Variants in DMD observed in about 807,000 individuals in gnomAD.
DMD encodes the protein mutant dystrophin.
A neutral mutation model predicts 330.1 loss-of-function variants in DMD; 63 were observed. The ratio of observed to expected loss-of-function variants is 0.19; its 90% CI spans 0.16 to 0.24. The LOEUF (loss-of-function observed/expected upper bound fraction) is 0.24, where lower values mean the gene tolerates loss of function less well. Ranked by LOEUF, DMD falls within the 10% of genes least tolerant of loss-of-function variation. The pLI is 1.00. For missense variants in DMD, 3,344 were observed against 2,684.1 expected (o/e 1.25, Z -5.43); for synonymous variants, 1,223 against 959.8 (o/e 1.27, Z -5.07).
intron 47 of DMD, among the ~76,000 whole-genome samples, chrX:31,893,439 T>C (rs543353831): frequency 1.0e-3 from 112 of 111,818 alleles, no homozygotes; most frequent in African/African-American, 3.4e-3. Flanking sequence ...TGAAGCACAC[T>C]GCTTGTCCTA....
At chrX:31,434,462 A>G (rs1268396850) in intron 60 of DMD, among the ~76,000 whole-genome samples, 1 of 101,040 alleles carries the variant, frequency 9.9e-6, no homozygotes, top group Non-Finnish European at 2.0e-5. Flanking sequence ...ACACACACAC[A>G]CACACACACA....
chrX:31,529,782 A>G (rs1226204347), intron 55 of DMD, among the ~76,000 whole-genome samples: 1 of 111,811 alleles, frequency 8.9e-6, no homozygotes. Flanking sequence ...AAGAGGGCCA[A>G]TAACAAAATG....
At chrX:32,827,339 G>A (rs1024405163) in intron 4 of DMD, among the ~76,000 whole-genome samples, 4 of 111,348 alleles carry the variant, frequency 3.6e-5, no homozygotes, top group African/African-American at 1.3e-4. Context: ...ATGCCAGAAA[G>A]CATTCAGATC....
At chrX:31,499,382 A>C (rs1447795204) in intron 56 of DMD, among the ~76,000 whole-genome samples, 3 of 111,246 alleles carry the variant, frequency 2.7e-5, no homozygotes, top group Non-Finnish European at 5.7e-5. Flanking sequence ...GAAGTGCTAA[A>C]ATTCCAGTTC....
chrX:31,318,972 C>T (rs759496014), intron 62 of DMD, among the ~76,000 whole-genome samples: 1 of 112,320 alleles, frequency 8.9e-6, no homozygotes, highest in South Asian at 3.7e-4. Context: ...AACACTTTTG[C>T]TGGTATTACA....
chrX:32,848,247 T>A (rs773884632), intron 3 of DMD, among the ~76,000 whole-genome samples: 2 of 111,975 alleles, frequency 1.8e-5, no homozygotes, highest in Non-Finnish European at 3.8e-5. Context: ...CTGGGACTTC[T>A]GTATTCGGTA....
chrX:32,537,629 A>C (rs2048108459), intron 17 of DMD, among the ~76,000 whole-genome samples: 1 of 111,802 alleles, frequency 8.9e-6, no homozygotes, highest in Non-Finnish European at 1.9e-5. Context: ...GAGCAGTTTC[A>C]GTGCTCGATG....
At chrX:32,892,319 G>C (rs1157401149) in intron 2 of DMD, among the ~76,000 whole-genome samples, 3 of 112,196 alleles carry the variant, frequency 2.7e-5, no homozygotes, top group African/African-American at 9.7e-5. Context: ...AGCATCACCC[G>C]AGGAGCTTTT....
At chrX:31,613,940 C>A (rs1276779698) in intron 55 of DMD, among the ~76,000 whole-genome samples, 1 of 111,965 alleles carries the variant, frequency 8.9e-6, no homozygotes, top group Non-Finnish European at 1.9e-5. Context: ...AAATTTCTTT[C>A]AGGTCATGGA....
intron 21 of DMD, among the ~76,000 whole-genome samples, chrX:32,473,696 T>C (rs763828624): frequency 9.0e-6 from 1 of 111,724 alleles, no homozygotes; most frequent in Admixed American, 9.5e-5. Context: ...ATATTGCATT[T>C]ATTTGGGAAC....
chrX:31,895,890 C>G (rs758334236), intron 47 of DMD, among the ~76,000 whole-genome samples: 9 of 112,030 alleles, frequency 8.0e-5, no homozygotes, highest in Non-Finnish European at 1.5e-4. Flanking sequence ...TTCATTAACC[C>G]TATTCTTTCA....
chrX:32,805,482 G>A (rs2076884519), intron 7 of DMD, among the ~76,000 whole-genome samples: 1 of 112,080 alleles, frequency 8.9e-6, no homozygotes, highest in Non-Finnish European at 1.9e-5. Flanking sequence ...CAAAACCTAA[G>A]TTTGATTAGT....
intron 4 of DMD, among the ~76,000 whole-genome samples, chrX:32,835,772 A>G (rs187818362): frequency 1.0e-3 from 116 of 111,749 alleles, no homozygotes; most frequent in African/African-American, 3.6e-3. Context: ...GCAGAGGGAC[A>G]GGCTAAAATG....
At chrX:32,080,200 G>A (rs184473242) in intron 44 of DMD, among the ~76,000 whole-genome samples, 6 of 112,325 alleles carry the variant, frequency 5.3e-5, no homozygotes, top group Admixed American at 4.7e-4. Flanking sequence ...AGTATGACTT[G>A]TGTTTATCTA....
rs770666509 is a variant in DMD at position 31,814,561 on chromosome X, T to C, written c.7309+5414A>G. Among the ~76,000 whole-genome samples, 7 of 104,671 alleles carry C rather than the reference T, an allele frequency of 6.7e-5. No homozygotes were observed. In the East Asian group the frequency reaches 2.1e-3, roughly 32 times the overall value. 90.9% of individuals were successfully genotyped at this position (104,671 alleles called of 115,157 possible). A position where few individuals can be genotyped will look rare whatever the true frequency, so the allele number is the denominator to read the frequency against. On this transcript the variant is annotated intron_variant, in intron 50 of 78. Coordinates refer to ENST00000357033, the MANE Select transcript of DMD (RefSeq NM_004006.3). ...CTTCTATATGTCCATATACAATGGG[T>C]TATTCATTCCATAGTTATTACCAAG...
intron 56 of DMD, among the ~76,000 whole-genome samples, chrX:31,505,429 T>A (rs973875357): frequency 5.4e-5 from 6 of 111,526 alleles, no homozygotes; most frequent in African/African-American, 2.0e-4. Context: ...TACATAAAAA[T>A]AAACCTGTTC....
chrX:32,648,792 A>G (rs978284174), intron 9 of DMD, among the ~76,000 whole-genome samples: 118 of 112,279 alleles, frequency 1.1e-3, no homozygotes, highest in African/African-American at 3.6e-3. Flanking sequence ...GCTTTGTTTC[A>G]GCACCCCAAA....
At chrX:33,111,891 G>A (rs1194011048) in intron 1 of DMD, among the ~76,000 whole-genome samples, 3 of 111,596 alleles carry the variant, frequency 2.7e-5, no homozygotes, top group Non-Finnish European at 5.6e-5. Flanking sequence ...GATTACAGGC[G>A]TGAGCCAGCA....
chrX:31,332,415 G>A (rs12353755), intron 61 of DMD, among the ~76,000 whole-genome samples: 7,279 of 111,613 alleles, frequency 0.065, 255 homozygotes, highest in Non-Finnish European at 0.096. Context: ...GGATACAGCT[G>A]ACAGAGAGAG....
Sources: gnomAD v4.1 joint callset for allele counts (sites outside exome capture counted in the v4.1 genomes callset) on GRCh38, gnomAD v4.1.1 for gene constraint, MANE v1.5 for transcripts, NCBI Gene and HGNC (gene_info 2026-07-23, HGNC 2026-07-21) for gene names.